Variants in BAALC observed in about 807,000 individuals in gnomAD.
The protein encoded by BAALC is brain and acute leukemia cytoplasmic protein.
Under a neutral mutation model 15.5 loss-of-function variants are expected in BAALC, and 9 were observed. The ratio of observed to expected loss-of-function variants is 0.58; its 90% CI spans 0.35 to 1.02. The LOEUF (loss-of-function observed/expected upper bound fraction) is 1.02, where lower values mean the gene tolerates loss of function less well. Among genes scored for constraint, BAALC ranks in the 50% least tolerant of loss-of-function variants. The pLI, the probability that BAALC is intolerant of heterozygous loss-of-function variation, is 0.02. For synonymous variants in BAALC, 80 were observed against 74.6 expected (o/e 1.07, Z -0.37); for missense variants, 201 against 192.4 (o/e 1.04, Z -0.27).
intron 1 of BAALC, chr8:103,198,301 A>G (rs1812140066): frequency 3.6e-6 from 2 of 547,958 alleles, no homozygotes; most frequent in Non-Finnish European, 3.2e-6. Context: ...TATAATAACT[A>G]AAAAATAAAT....
At chr8:103,216,404 C>T (rs1409124925) in intron 2 of BAALC, among the ~76,000 whole-genome samples, 1 of 152,180 alleles carries the variant, frequency 6.6e-6, no homozygotes, top group African/African-American at 2.4e-5. Context: ...AGTTATGGAA[C>T]AAAAGAATTA....
chr8:103,200,858 C>A (rs2130030775), intron 1 of BAALC: 3 of 538,290 alleles, frequency 5.6e-6, no homozygotes, highest in East Asian at 5.6e-5. Flanking sequence ...AAAGGTCCTG[C>A]CTCTTAATAC....
chr8:103,195,432 T>C (rs1321501644), intron 1 of BAALC, among the ~76,000 whole-genome samples: 1 of 152,226 alleles, frequency 6.6e-6, no homozygotes, highest in African/African-American at 2.4e-5. Context: ...CAATCGCTCA[T>C]AACTTCATGA....
intron 1 of BAALC, chr8:103,183,305 T>G: frequency 1.4e-6 from 1 of 701,866 alleles, no homozygotes; most frequent in Non-Finnish European, 2.6e-6. Context: ...ATGGAATGTC[T>G]TATTTCCCTT....
intron 1 of BAALC, among the ~76,000 whole-genome samples, chr8:103,145,256 G>T (rs1810855210): frequency 2.0e-5 from 3 of 152,256 alleles, no homozygotes; most frequent in African/African-American, 7.2e-5. Flanking sequence ...TCTCCTGTGA[G>T]ACTCTTCCTG....
chr8:103,198,464 G>A (rs10088427), intron 1 of BAALC, among the ~76,000 whole-genome samples: 15,670 of 152,068 alleles, frequency 0.1, 986 homozygotes, highest in African/African-American at 0.17. Context: ...TGATCATCCC[G>A]TGATCCTGGT....
intron 1 of BAALC, among the ~76,000 whole-genome samples, chr8:103,204,204 T>A (rs920916321): frequency 6.6e-6 from 1 of 152,250 alleles, no homozygotes; most frequent in African/African-American, 2.4e-5. Context: ...CATGTGTTTA[T>A]TGGCCATTTG....
chr8:103,168,678 C>T (rs1811406539), intron 1 of BAALC, among the ~76,000 whole-genome samples: 1 of 152,012 alleles, frequency 6.6e-6, no homozygotes, highest in Non-Finnish European at 1.5e-5. Flanking sequence ...TGGTTGCTGT[C>T]CAGGCTGGCT....
intron 2 of BAALC, among the ~76,000 whole-genome samples, chr8:103,226,033 C>T (rs1192369069): frequency 2.0e-5 from 3 of 152,174 alleles, no homozygotes; most frequent in Non-Finnish European, 4.4e-5. Context: ...GTTCAGGGGC[C>T]ATGTTGTTTG....
intron 1 of BAALC, among the ~76,000 whole-genome samples, chr8:103,185,079 T>C (rs1431730443): frequency 1.3e-5 from 2 of 152,124 alleles, no homozygotes; most frequent in East Asian, 3.9e-4. Context: ...TAATTCTCTG[T>C]GCACTGATTC....
chr8:103,177,167 T>TTTGTTG (rs139182843), intron 1 of BAALC, among the ~76,000 whole-genome samples: 2 of 150,088 alleles, frequency 1.3e-5, no homozygotes, highest in South Asian at 2.1e-4. Context: ...GTGCGGGTTT[T>TTTGTTG]TTGTTGTTGT....
chr8:103,177,394 A>G (rs1445267271), intron 1 of BAALC, among the ~76,000 whole-genome samples: 1 of 152,158 alleles, frequency 6.6e-6, no homozygotes, highest in African/African-American at 2.4e-5. Context: ...TATGTTGCCC[A>G]GGCTGGTCTC....
intron 2 of BAALC, among the ~76,000 whole-genome samples, chr8:103,221,443 A>G (rs1179725932): frequency 1.3e-4 from 19 of 151,874 alleles, no homozygotes; most frequent in Admixed American, 1.2e-3. Flanking sequence ...GGCTCCTCTC[A>G]TTATGGAATT....
intron 1 of BAALC, among the ~76,000 whole-genome samples, chr8:103,177,035 A>G (rs1811621211): frequency 6.6e-6 from 1 of 152,116 alleles, no homozygotes; most frequent in Non-Finnish European, 1.5e-5. Flanking sequence ...TGCTCATTTT[A>G]TGAAGGTTTT....
intron 2 of BAALC, 159 bp downstream of exon 2, chr8:103,213,244 C>A: frequency 1.3e-6 from 1 of 769,722 alleles, no homozygotes; most frequent in South Asian, 2.4e-5. Flanking sequence ...TTGCTGCAAA[C>A]CCCACCCCAA....
In BAALC at chr8:103,229,087, T is replaced by G. The variant is rs934148508; in HGVS notation, c.*988T>G. 20 of 152,200 alleles carry G rather than the reference T, an allele frequency of 1.3e-4. No individual in the cohort carries two copies. Among genetic ancestry groups the G allele is most frequent in the Admixed American group, 1.2e-3 (19 of 15,286 alleles). 9.4% of individuals were successfully genotyped at this position (152,200 alleles called of 1,614,324 possible). On this transcript the variant is annotated 3_prime_UTR_variant, in exon 3 of 3. Coordinates refer to ENST00000309982, the MANE Select transcript of BAALC (RefSeq NM_024812.3). ...TTTGGCATCTGCAAAGGAATCACTT[T>G]AGAAAGCCAGCACCTGGTTGATGTG...
intron 1 of BAALC, among the ~76,000 whole-genome samples, chr8:103,167,303 G>A (rs1372501246): frequency 6.6e-6 from 1 of 152,168 alleles, no homozygotes; most frequent in Non-Finnish European, 1.5e-5. Context: ...ACTCAGGCTA[G>A]ATCTAGGAGG....
rs377412371 is a variant in BAALC at position 103,197,990 on chromosome 8, C to T, written c.161-14929C>T. 7.5e-4 allele frequency: 419 copies of T among 559,374 alleles called. 3 individuals are homozygous for T. The South Asian group carries it at 9.3e-3, about 12-fold the overall frequency. The allele number at this position is 559,374 out of a possible 1,614,324, so 34.7% of individuals were successfully genotyped here. ...CCAGTCTTTCCTTTTAAACATTGCT[C>T]AAGAATCCTCTGCTCTGTGAGGACT... is the stretch of plus-strand genomic sequence containing the variant. On this transcript the variant is annotated intron_variant, in intron 1 of 2. Coordinates refer to ENST00000309982, the MANE Select transcript of BAALC (RefSeq NM_024812.3).
intron 1 of BAALC, among the ~76,000 whole-genome samples, chr8:103,162,033 T>C (rs1227327610): frequency 6.6e-6 from 1 of 152,292 alleles, no homozygotes; most frequent in Middle Eastern, 3.4e-3. Flanking sequence ...CGATCAAGGT[T>C]CACTGCAGCC....
Sources: gnomAD v4.1 joint callset for allele counts (sites outside exome capture counted in the v4.1 genomes callset) on GRCh38, gnomAD v4.1.1 for gene constraint, MANE v1.5 for transcripts, NCBI Gene and HGNC (gene_info 2026-07-23, HGNC 2026-07-21) for gene names.